GPC3: variants seen among roughly 807,000 people sequenced by gnomAD.
GPC3 encodes the protein glypican-3.
GPC3 carries 3 observed loss-of-function variants against 34.4 expected under a neutral mutation model. That is an observed-to-expected ratio of 0.09 (90% confidence interval 0.04 to 0.23). The LOEUF is 0.23. Among genes scored for constraint, GPC3 ranks in the 10% least tolerant of loss-of-function variants. The probability of loss-of-function intolerance (pLI) is 1.00; values close to 1 mark genes in which losing one functional copy is unlikely to be tolerated. For missense variants in GPC3, 351 were observed against 445.6 expected (o/e 0.79, Z 1.91); for synonymous variants, 177 against 174.0 (o/e 1.02, Z -0.13).
At chrX:133,895,845 G>A (rs970067257) in intron 2 of GPC3, among the ~76,000 whole-genome samples, 1 of 111,208 alleles carries the variant, frequency 9.0e-6, no homozygotes, top group African/African-American at 3.3e-5. Flanking sequence ...TCTGATTACC[G>A]AAGAGAGTTC....
At chrX:133,651,566 T>C (rs2070603805) in intron 6 of GPC3, among the ~76,000 whole-genome samples, 1 of 111,586 alleles carries the variant, frequency 9.0e-6, no homozygotes, top group Admixed American at 9.6e-5. Context: ...ACTCTGCTAG[T>C]TTTCTCCTGT....
chrX:133,889,656 A>G (rs953541588), intron 2 of GPC3, among the ~76,000 whole-genome samples: 1 of 108,872 alleles, frequency 9.2e-6, no homozygotes, highest in Admixed American at 9.9e-5. Flanking sequence ...CACAATACAT[A>G]TATACTAAAC....
intron 2 of GPC3, among the ~76,000 whole-genome samples, chrX:133,802,296 C>A (rs940773882): frequency 2.7e-5 from 3 of 110,966 alleles, no homozygotes; most frequent in Admixed American, 9.6e-5. Context: ...CACATATACT[C>A]CCCCATCAGT....
At chrX:133,544,282 T>C (rs943210003) in intron 7 of GPC3, among the ~76,000 whole-genome samples, 1 of 111,612 alleles carries the variant, frequency 9.0e-6, no homozygotes, top group Non-Finnish European at 1.9e-5. Context: ...TTGGGTCACC[T>C]GGGCTTTGTC....
intron 7 of GPC3, among the ~76,000 whole-genome samples, chrX:133,560,418 A>C (rs1340904678): frequency 8.9e-6 from 1 of 112,507 alleles, no homozygotes; most frequent in Non-Finnish European, 1.9e-5. Context: ...TACGAACTGA[A>C]GAGCAAATGT....
chrX:133,850,198 T>TTTTG (rs1556329510), intron 2 of GPC3, among the ~76,000 whole-genome samples: 3 of 101,508 alleles, frequency 3.0e-5, no homozygotes, highest in African/African-American at 1.1e-4. Context: ...GGTTTTGTTT[T>TTTTG]TTTTTTTTTT....
intron 2 of GPC3, among the ~76,000 whole-genome samples, chrX:133,936,121 C>A (rs972775746): frequency 9.4e-6 from 1 of 106,759 alleles, no homozygotes; most frequent in Admixed American, 1.0e-4. Flanking sequence ...GATGGTGTTT[C>A]GCCATATTGC....
chrX:133,787,523 T>C (rs989531024), intron 2 of GPC3, among the ~76,000 whole-genome samples: 8 of 112,198 alleles, frequency 7.1e-5, no homozygotes, highest in African/African-American at 2.6e-4. Context: ...ATTCAACTAG[T>C]CCTTTCCCTC....
At chrX:133,599,411 A>G (rs1392402769) in intron 6 of GPC3, among the ~76,000 whole-genome samples, 1 of 112,152 alleles carries the variant, frequency 8.9e-6, no homozygotes, top group African/African-American at 3.2e-5. Flanking sequence ...GGCTTAATTC[A>G]TCCTGTGGTG....
intron 2 of GPC3, among the ~76,000 whole-genome samples, chrX:133,924,218 G>A (rs2076265840): frequency 9.0e-6 from 1 of 111,647 alleles, no homozygotes; most frequent in Admixed American, 9.6e-5. Flanking sequence ...CACTTTTGAA[G>A]CTATTTCCTA....
intron 2 of GPC3, among the ~76,000 whole-genome samples, chrX:133,917,833 T>A (rs2076231591): frequency 9.0e-6 from 1 of 111,705 alleles, no homozygotes; most frequent in Non-Finnish European, 1.9e-5. Context: ...ACACCAAAAT[T>A]GAAAAATGTG....
intron 1 of GPC3, among the ~76,000 whole-genome samples, chrX:133,969,232 T>C (rs1440565507): frequency 9.0e-6 from 1 of 111,257 alleles, no homozygotes; most frequent in Non-Finnish European, 1.9e-5. Flanking sequence ...GAGAGCAACC[T>C]GCATGCCTGA....
At chrX:133,646,768 T>C (rs1008768010) in intron 6 of GPC3, among the ~76,000 whole-genome samples, 5 of 111,481 alleles carry the variant, frequency 4.5e-5, no homozygotes, top group African/African-American at 1.3e-4. Flanking sequence ...AGGTGGGGAG[T>C]AGGCCAGAGC....
In GPC3 at chrX:133,535,849, G is replaced by T. The variant is rs1464671060; in HGVS notation, c.*275C>A. 3.0e-6 allele frequency: 1 copy of T among 338,932 alleles called. No individual in the cohort carries two copies. Among genetic ancestry groups the T allele is most frequent in the Non-Finnish European group, 5.1e-6 (1 of 195,812 alleles). 27.9% of individuals were successfully genotyped at this position (338,932 alleles called of 1,213,427 possible). A position where few individuals can be genotyped will look rare whatever the true frequency, so the allele number is the denominator to read the frequency against. ...AAGACATGGTAACCATGTTCTAGCA[G>T]CCAAACATAGGAGAATAATTTGGCA... On this transcript the variant is annotated 3_prime_UTR_variant, in exon 8 of 8. Coordinates refer to ENST00000370818, the MANE Select transcript of GPC3 (RefSeq NM_004484.4).
chrX:133,574,478 T>C (rs1333504295), intron 7 of GPC3, among the ~76,000 whole-genome samples: 1 of 112,284 alleles, frequency 8.9e-6, no homozygotes, highest in African/African-American at 3.2e-5. Flanking sequence ...GGCCACATGA[T>C]ATTGACCAAA....
chrX:133,880,162 T>TA (rs1164242742), intron 2 of GPC3, among the ~76,000 whole-genome samples: 1 of 112,156 alleles, frequency 8.9e-6, no homozygotes, highest in African/African-American at 3.2e-5. Flanking sequence ...CCTCATGTGA[T>TA]AAAAAATCAG....
rs149565272 is a variant in GPC3, at chrX:133,598,528, C to G, written c.1414-1929G>C. ...TATCAAATCTGCTTCTCCACTCAAT[C>G]TGCTGTGATATATGGTTTTGGTTGA... On this transcript the variant is annotated intron_variant, in intron 6 of 7. Coordinates refer to ENST00000370818, the MANE Select transcript of GPC3 (RefSeq NM_004484.4). Among the ~76,000 whole-genome samples, 504 of 111,529 alleles carry G rather than the reference C, an allele frequency of 4.5e-3. 3 individuals are homozygous for G. The highest frequency in any genetic ancestry group is 8.5e-3 in the Non-Finnish European group (450 of 53,161).
intron 3 of GPC3, among the ~76,000 whole-genome samples, chrX:133,749,965 TC>T (rs1420386395): frequency 3.6e-5 from 4 of 111,396 alleles, no homozygotes; most frequent in Non-Finnish European, 7.5e-5. Flanking sequence ...GGCCAGTGAT[TC>T]CCCTACCCCC....
chrX:133,557,131 A>C, intron 7 of GPC3, among the ~76,000 whole-genome samples: 1 of 107,244 alleles, frequency 9.3e-6, no homozygotes, highest in East Asian at 3.0e-4. Flanking sequence ...GTCTCTACTA[A>C]AAATACAAAA....
Sources: allele counts gnomAD v4.1 joint callset (sites outside exome capture counted in the v4.1 genomes callset), GRCh38; gene constraint gnomAD v4.1.1; transcripts MANE v1.5; gene names NCBI Gene and HGNC (gene_info 2026-07-23, HGNC 2026-07-21).